Variants in TNKS observed in about 807,000 individuals in gnomAD.
TNKS encodes poly [ADP-ribose] polymerase tankyrase-1.
In TNKS, 72 loss-of-function variants were observed where a neutral mutation model predicts 135.8. That is an observed-to-expected ratio of 0.53 (90% CI 0.44 to 0.64). The LOEUF is 0.64. Among genes scored for constraint, TNKS ranks in the 30% least tolerant of loss-of-function variants. The pLI is 0.00. For synonymous variants in TNKS, 849 were observed against 649.3 expected (o/e 1.31, Z -4.68); for missense variants, 1,769 against 1,674.0 (o/e 1.06, Z -0.99).
In TNKS at chr8:9,611,138, C is replaced by T. The variant is rs73537984; in HGVS notation, c.899-4444C>T. On this transcript the variant is annotated intron_variant, in intron 2 of 26. Coordinates refer to ENST00000310430, the MANE Select transcript of TNKS (RefSeq NM_003747.3). ...AATTTTAACTGTCTTGTTATGCCAG[C>T]TGCTACATTTTCTCCGCCCGTCTTA... is the stretch of plus-strand genomic sequence containing the variant. Among the ~76,000 whole-genome samples, 3 of 152,282 alleles carry T rather than the reference C, an allele frequency of 2.0e-5. No individual in the cohort carries two copies. The East Asian group carries it at 5.8e-4, about 29-fold the overall frequency.
Position 9,731,046 on chromosome 8 carries a change from G to T in TNKS, c.2147+11G>T. ...TGCCAAAGACAAGGGGTACGTGTTA[G>T]AAGTTAGCTGTTTGGGAGTCATTCT... On this transcript the variant is annotated intron_variant, in intron 14 of 26. Transcript: ENST00000310430. 1 of 1,579,558 alleles carries T rather than the reference G, an allele frequency of 6.3e-7. No individual in the cohort carries two copies. Among genetic ancestry groups the T allele is most frequent in the South Asian group, 1.2e-5 (1 of 85,744 alleles).
intron 12 of TNKS, among the ~76,000 whole-genome samples, chr8:9,723,999 C>T (rs983109114): frequency 5.3e-5 from 8 of 152,138 alleles, no homozygotes; most frequent in Non-Finnish European, 7.3e-5. Context: ...GTCCAGTAGT[C>T]TAATATTGAT....
At chr8:9,770,389 C>A in intron 26 of TNKS, 127 bp downstream of exon 26, 1 of 1,010,166 alleles carries the variant, frequency 9.9e-7, no homozygotes, top group Non-Finnish European at 1.4e-6. Flanking sequence ...TTAATTACTT[C>A]AGATACAAAA....
At chr8:9,643,632 A>C (rs1800803581) in intron 3 of TNKS, among the ~76,000 whole-genome samples, 1 of 152,154 alleles carries the variant, frequency 6.6e-6, no homozygotes, top group Non-Finnish European at 1.5e-5. Context: ...AAGTATTGGC[A>C]AGGATGAGGT....
rs1014373504 is a variant in TNKS, at chr8:9,594,566, G to A, written c.898+14183G>A. Among the ~76,000 whole-genome samples, 25 of 152,190 alleles carry A rather than the reference G, an allele frequency of 1.6e-4. No homozygotes were observed. In the East Asian group the frequency reaches 4.2e-3, roughly 26 times the overall value. ...AACCTGTGTATACAATCCATTTTAC[G>A]TAAAATGAGATCATTCCACCATATT... is the stretch of plus-strand genomic sequence containing the variant. On this transcript the variant is annotated intron_variant, in intron 2 of 26. Coordinates refer to ENST00000310430, the MANE Select transcript of TNKS (RefSeq NM_003747.3).
intron 2 of TNKS, among the ~76,000 whole-genome samples, chr8:9,587,890 C>T (rs552933052): frequency 1.3e-5 from 2 of 152,166 alleles, no homozygotes; most frequent in Non-Finnish European, 2.9e-5. Context: ...GGTTGAGCAT[C>T]TCCTGAAAAG....
chr8:9,581,402 C>G (rs895977403), intron 2 of TNKS, among the ~76,000 whole-genome samples: 29 of 152,138 alleles, frequency 1.9e-4, no homozygotes, highest in African/African-American at 6.5e-4. Context: ...AGTTTTTTGA[C>G]ATCTTCCAGT....
intron 3 of TNKS, among the ~76,000 whole-genome samples, chr8:9,616,538 A>G (rs1172425987): frequency 6.6e-6 from 1 of 152,212 alleles, no homozygotes; most frequent in Non-Finnish European, 1.5e-5. Flanking sequence ...GTCGAAGAAA[A>G]TAAATATTTT....
chr8:9,764,260 G>T (rs1473548214), intron 22 of TNKS, among the ~76,000 whole-genome samples: 1 of 151,800 alleles, frequency 6.6e-6, no homozygotes, highest in Non-Finnish European at 1.5e-5. Context: ...ATGTCCCCTG[G>T]TCTGTGTAAA....
chr8:9,571,930 C>T (rs897740333), intron 1 of TNKS, among the ~76,000 whole-genome samples: 1 of 152,094 alleles, frequency 6.6e-6, no homozygotes, highest in South Asian at 2.1e-4. Flanking sequence ...ATTGCTTATT[C>T]CTTAGATCTT....
At chr8:9,654,956 C>T (rs1175678314) in intron 3 of TNKS, among the ~76,000 whole-genome samples, 1 of 152,198 alleles carries the variant, frequency 6.6e-6, no homozygotes, top group Non-Finnish European at 1.5e-5. Context: ...GGCATCGCCT[C>T]ACCTGGGAAG....
In TNKS at chr8:9,777,638, G is replaced by A. The variant is rs1271752952; in HGVS notation, c.*902G>A. 6.6e-6 allele frequency: 1 copy of A among 152,352 alleles called. No homozygotes were observed. Among genetic ancestry groups the A allele is most frequent in the Admixed American group, 6.5e-5 (1 of 15,280 alleles). The allele number at this position is 152,352 out of a possible 1,614,324, so 9.4% of individuals were successfully genotyped here. ...GCTGTGAAGGAAGAGCTGCATTAAG[G>A]AGGGTGAGGAGCGTGTGGTTCTGTA... On this transcript the variant is annotated 3_prime_UTR_variant, in exon 27 of 27. Coordinates refer to ENST00000310430, the MANE Select transcript of TNKS (RefSeq NM_003747.3).
chr8:9,722,656 C>T (rs908464220), intron 12 of TNKS, among the ~76,000 whole-genome samples: 4 of 151,852 alleles, frequency 2.6e-5, no homozygotes, highest in African/African-American at 9.7e-5. Flanking sequence ...ATATTTCTTC[C>T]CTCTCAGTAA....
At chr8:9,718,061 GA>G (rs1242841673) in intron 11 of TNKS, among the ~76,000 whole-genome samples, 1 of 152,044 alleles carries the variant, frequency 6.6e-6, no homozygotes, top group Non-Finnish European at 1.5e-5. Flanking sequence ...TGGAAACAAT[GA>G]AAAGCAAGAT....
chr8:9,599,755 C>G (rs1404677088), intron 2 of TNKS, among the ~76,000 whole-genome samples: 1 of 151,804 alleles, frequency 6.6e-6, no homozygotes, highest in African/African-American at 2.4e-5. Context: ...ACAGAATAAT[C>G]TATACCTAAG....
intron 3 of TNKS, among the ~76,000 whole-genome samples, chr8:9,669,383 A>T (rs1398600189): frequency 4.0e-5 from 6 of 148,362 alleles, no homozygotes; most frequent in African/African-American, 1.5e-4. Flanking sequence ...GCGCCACTGC[A>T]GTCCGCAGTC....
At chr8:9,653,018 A>G (rs1199367705) in intron 3 of TNKS, among the ~76,000 whole-genome samples, 1 of 152,084 alleles carries the variant, frequency 6.6e-6, no homozygotes, top group African/African-American at 2.4e-5. Flanking sequence ...CACAGGCCAC[A>G]CCTCCAAAGA....
intron 20 of TNKS, among the ~76,000 whole-genome samples, chr8:9,755,918 C>T (rs951822388): frequency 6.6e-6 from 1 of 152,200 alleles, no homozygotes; most frequent in Non-Finnish European, 1.5e-5. Context: ...TGTCCTGTTT[C>T]CCATAGATAC....
In TNKS at chr8:9,751,650, A is replaced by G. The variant is rs200640807; in HGVS notation, c.2874A>G (p.Pro958=). ...IRALLIDAMP[P]EALPTCFKPQ... ...CTTTGCTGATAGATGCCATGCCCCCAGAGGCCTTACCTACCTGTTTTAAAC... is the reference window on the plus strand; with the variant it reads ...CTTTGCTGATAGATGCCATGCCCCCGGAGGCCTTACCTACCTGTTTTAAAC... The change falls in exon 19 of 27, where the codon CCA becomes CCG. Residue 958 remains proline (P), a synonymous_variant. Coordinates refer to ENST00000310430, the MANE Select transcript of TNKS (RefSeq NM_003747.3). The G allele has an allele frequency of 3.7e-6, 6 of 1,614,226 alleles. No individual in the cohort carries two copies. The highest frequency in any genetic ancestry group is 1.7e-4 in the Middle Eastern group (1 of 6,060).
Sources: gnomAD v4.1 joint callset for allele counts (sites outside exome capture counted in the v4.1 genomes callset) on GRCh38, gnomAD v4.1.1 for gene constraint, MANE v1.5 for transcripts, NCBI Gene and HGNC (gene_info 2026-07-23, HGNC 2026-07-21) for gene names.